Variants in TBC1D16 observed in about 807,000 individuals in gnomAD.
TBC1D16 encodes CTD-2529O21.1.
In TBC1D16, 58 loss-of-function variants were observed where a neutral mutation model predicts 74.7. The observed-to-expected ratio is 0.78, with a 90% CI of 0.63 to 0.97. The LOEUF is 0.97. TBC1D16 is among the 50% of genes least tolerant of loss of function. The pLI, the probability that TBC1D16 is intolerant of heterozygous loss-of-function variation, is 0.00. For missense variants in TBC1D16, 1,014 were observed against 1,079.5 expected, an observed-to-expected ratio of 0.94 and a Z score of 0.85; for synonymous variants, 493 against 474.7, an observed-to-expected ratio of 1.04 and a Z score of -0.50.
Position 80,001,752 on chromosome 17 carries a change from C to T in TBC1D16, c.779+8408G>A, listed in dbSNP as rs560644758. ...CTGGTCCCTGCTGCTGCTGGAGTGG[C>T]CCCTAAGACACGCACGGCCCACCCT... On this transcript the variant is annotated intron_variant, in intron 3 of 11. Transcript: ENST00000310924. This position sits in a 1 kb window ranked among gnomAD's most constrained non-coding sequence, Gnocchi z 5.8. 6.6e-6 allele frequency among the ~76,000 whole-genome samples: 1 copy of T among 152,074 alleles called. No individual in the cohort carries two copies. Among genetic ancestry groups the T allele is most frequent in the Admixed American group, 6.5e-5 (1 of 15,276 alleles).
chr17:79,998,080 G>A (rs935956875), intron 3 of TBC1D16, among the ~76,000 whole-genome samples: 4 of 141,726 alleles, frequency 2.8e-5, no homozygotes, highest in Non-Finnish European at 6.0e-5. Context: ...AGCTAAGATT[G>A]TGCCATTGCA....
chr17:79,945,261 A>C (rs1304170924), intron 9 of TBC1D16, among the ~76,000 whole-genome samples, 174 bp from the exon 10 acceptor site: 1 of 152,124 alleles, frequency 6.6e-6, no homozygotes, highest in African/African-American at 2.4e-5. Context: ...CGCCGCTGGA[A>C]TCGGCTCACA....
Position 79,989,759 on chromosome 17 carries a change from C to T in TBC1D16, c.779+20401G>A, listed in dbSNP as rs532509814. On this transcript the variant is annotated intron_variant, in intron 3 of 11. Transcript: ENST00000310924. Reference sequence around the variant, plus strand: ...TGCACAAGCAGAGCAGCCTCAGCATCGGCCCTCGCAAGTCCCACCAGAGAA... The same window carrying T: ...TGCACAAGCAGAGCAGCCTCAGCATTGGCCCTCGCAAGTCCCACCAGAGAA... Among the ~76,000 whole-genome samples, 53 of 152,358 alleles carry T rather than the reference C, an allele frequency of 3.5e-4. No homozygotes were observed. The Middle Eastern group carries it at 0.01, about 29-fold the overall frequency.
rs2034557281 is a variant in TBC1D16, at chr17:79,981,025, C to A, written c.780-28207G>T. ...CAGTCATGATACCAATCACCAACAT[C>A]CTTTGATAAGACCTTGGCTACTCAT... On this transcript the variant is annotated intron_variant, in intron 3 of 11. Transcript: ENST00000310924. The surrounding 1 kb of genome is among the most constrained non-coding windows in gnomAD (Gnocchi z 6.9). 6.6e-6 allele frequency among the ~76,000 whole-genome samples: 1 copy of A among 152,246 alleles called. No homozygotes were observed. Among genetic ancestry groups the A allele is most frequent in the African/African-American group, 2.4e-5 (1 of 41,470 alleles).
chr17:79,961,768 C>T lies in TBC1D16; in HGVS notation c.780-8950G>A, dbSNP rs1022829067. On this transcript the variant is annotated intron_variant, in intron 3 of 11. Coordinates refer to ENST00000310924, the MANE Select transcript of TBC1D16 (RefSeq NM_019020.4). The surrounding 1 kb of genome is among the most constrained non-coding windows in gnomAD (Gnocchi z 4.8). ...ATCCCAGCTACTCGGGAGGCTCAGG[C>T]AGGAGACTTGCTTGAACCCTGGAGG... Among the ~76,000 whole-genome samples, 1 of 152,148 alleles carries T rather than the reference C, an allele frequency of 6.6e-6. No individual in the cohort carries two copies. Among genetic ancestry groups the T allele is most frequent in the Non-Finnish European group, 1.5e-5 (1 of 68,026 alleles).
In TBC1D16 at chr17:80,001,954, G is replaced by A. The variant is rs1332799361; in HGVS notation, c.779+8206C>T. Among the ~76,000 whole-genome samples, 5 of 152,150 alleles carry A rather than the reference G, an allele frequency of 3.3e-5. No homozygotes were observed. The highest frequency in any genetic ancestry group is 5.9e-5 in the Non-Finnish European group (4 of 68,028). On this transcript the variant is annotated intron_variant, in intron 3 of 11. Coordinates refer to ENST00000310924, the MANE Select transcript of TBC1D16 (RefSeq NM_019020.4). The surrounding 1 kb of genome is among the most constrained non-coding windows in gnomAD (Gnocchi z 5.8). The stretch of plus-strand genomic sequence containing the variant: ...TGCGCCCCGGAACAAAGACGGGAAG[G>A]GCAAAGTGTGTCCTGATTCGTGTGC...
intron 1 of TBC1D16, chr17:80,026,181 G>A (rs1013315602): frequency 6.7e-6 from 1 of 150,094 alleles, no homozygotes; most frequent in South Asian, 2.1e-4. Flanking sequence ...CTAGCACTTA[G>A]GGAGGCCAAG....
At chr17:80,028,268 C>T (rs971664333) in intron 1 of TBC1D16, among the ~76,000 whole-genome samples, 6 of 152,046 alleles carry the variant, frequency 3.9e-5, no homozygotes, top group African/African-American at 4.8e-5. Context: ...CAGTGGCTCA[C>T]GCCTGTAATC....
intron 10 of TBC1D16, among the ~76,000 whole-genome samples, chr17:79,943,409 G>A (rs1319385967): frequency 6.6e-6 from 1 of 152,180 alleles, no homozygotes; most frequent in Admixed American, 6.5e-5. Context: ...TCCCAGGACA[G>A]GCAGGGCGTA....
chr17:80,023,665 C>CCCCG (rs1555885660), intron 1 of TBC1D16, among the ~76,000 whole-genome samples: 1 of 142,754 alleles, frequency 7.0e-6, no homozygotes, highest in African/African-American at 2.8e-5. Flanking sequence ...GGGCCCCCCC[C>CCCCG]CACCGGCTCA....
In TBC1D16 at chr17:79,940,621, C is replaced by A. The variant is rs958199310; in HGVS notation, c.*238G>T. On this transcript the variant is annotated 3_prime_UTR_variant, in exon 12 of 12. Coordinates refer to ENST00000310924, the MANE Select transcript of TBC1D16 (RefSeq NM_019020.4). This position sits in a 1 kb window ranked among gnomAD's most constrained non-coding sequence, Gnocchi z 5.4. ...CTGCGTCTCAGGTGCGGTGGCTGCG[C>A]GTTCCACTGCAGCGTTTCAGGAGCT... The A allele has an allele frequency of 7.2e-6, 3 of 415,394 alleles. No individual in the cohort carries two copies. The highest frequency in any genetic ancestry group is 1.2e-5 in the Non-Finnish European group (3 of 242,972). 25.7% of individuals were successfully genotyped at this position (415,394 alleles called of 1,614,324 possible). A position where few individuals can be genotyped will look rare whatever the true frequency, so the allele number is the denominator to read the frequency against.
chr17:79,950,366 C>A lies in TBC1D16; in HGVS notation c.1257+45G>T. ...CTTCCCTCTCGCTCGTTCCCGGTTC[C>A]CGGCCGGCTCTCCGCGGGGCCAGCT... On this transcript the variant is annotated intron_variant, in intron 6 of 11. Coordinates refer to ENST00000310924, the MANE Select transcript of TBC1D16 (RefSeq NM_019020.4). The surrounding 1 kb of genome is among the most constrained non-coding windows in gnomAD (Gnocchi z 4.6). 1 of 1,541,642 alleles carries A rather than the reference C, an allele frequency of 6.5e-7. No individual in the cohort carries two copies. Among genetic ancestry groups the A allele is most frequent in the South Asian group, 1.2e-5 (1 of 81,636 alleles).
intron 1 of TBC1D16, among the ~76,000 whole-genome samples, chr17:80,031,360 G>A (rs2036769315): frequency 6.6e-6 from 1 of 152,206 alleles, no homozygotes; most frequent in African/African-American, 2.4e-5. Flanking sequence ...GCCCAAAGAT[G>A]AGCCTCTATG....
At chr17:79,949,931 C>A in intron 6 of TBC1D16, 66 bp from the exon 7 acceptor site, 1 of 1,553,448 alleles carries the variant, frequency 6.4e-7, no homozygotes. Flanking sequence ...CCCAAATCCC[C>A]AGAGATGTGT....
rs1049154221 is a variant in TBC1D16, at chr17:80,007,197, C to T, written c.779+2963G>A. ...CACACCGAGCCCGCGGCCATGTGGCCAAGAGGCATTTTCTGAGCCTTCATC... is the reference window on the plus strand; with the variant it reads ...CACACCGAGCCCGCGGCCATGTGGCTAAGAGGCATTTTCTGAGCCTTCATC... On this transcript the variant is annotated intron_variant, in intron 3 of 11. Transcript: ENST00000310924. The surrounding 1 kb of genome is among the most constrained non-coding windows in gnomAD (Gnocchi z 4.5). Among the ~76,000 whole-genome samples, 2 of 152,168 alleles carry T rather than the reference C, an allele frequency of 1.3e-5. No individual in the cohort carries two copies. The highest frequency in any genetic ancestry group is 3.9e-4 in the East Asian group (2 of 5,174).
intron 3 of TBC1D16, among the ~76,000 whole-genome samples, chr17:79,967,117 G>A (rs2144022402): frequency 6.6e-6 from 1 of 152,274 alleles, no homozygotes; most frequent in South Asian, 2.1e-4. Flanking sequence ...AAATTTAAGT[G>A]TGAAAGACTA....
chr17:79,941,219 G>GTGAGCCCCCGAGGT lies in TBC1D16; in HGVS notation c.2056-113_2056-112insACCTCGGGGGCTCA. The stretch of plus-strand genomic sequence containing the variant: ...AGCAGCAACAACGGCCTGCACCTCG[G>GTGAGCCCCCGAGGT]GGGCTCACCGAGTCCTGGACTGAGG... On this transcript the variant is annotated intron_variant, in intron 11 of 11. Transcript: ENST00000310924. The surrounding 1 kb of genome is among the most constrained non-coding windows in gnomAD (Gnocchi z 4.3). 3.7e-6 allele frequency: 4 copies of GTGAGCCCCCGAGGT among 1,072,026 alleles called. No individual in the cohort carries two copies. Among genetic ancestry groups the GTGAGCCCCCGAGGT allele is most frequent in the Non-Finnish European group, 4.0e-6 (3 of 754,016 alleles). The allele number at this position is 1,072,026 out of a possible 1,614,324, so 66.4% of individuals were successfully genotyped here.
chr17:79,973,518 T>G (rs542614894), intron 3 of TBC1D16, among the ~76,000 whole-genome samples: 8 of 152,104 alleles, frequency 5.3e-5, no homozygotes, highest in South Asian at 2.1e-4. Flanking sequence ...GACCATCCTG[T>G]CTAACATGGT....
At chr17:79,977,318 G>GGGGAT (rs1223954027) in intron 3 of TBC1D16, among the ~76,000 whole-genome samples, 3 of 152,212 alleles carry the variant, frequency 2.0e-5, no homozygotes, top group Non-Finnish European at 4.4e-5. Context: ...AGGCTGAGGA[G>GGGGAT]GGGATGGGAT....
Sources: gnomAD v4.1 joint callset for allele counts (sites outside exome capture counted in the v4.1 genomes callset) on GRCh38, gnomAD v4.1.1 for gene constraint, Gnocchi (gnomAD v3.1) non-coding constraint, MANE v1.5 for transcripts, NCBI Gene and HGNC (gene_info 2026-07-23, HGNC 2026-07-21) for gene names.